Variants in IQSEC1 observed in about 807,000 individuals in gnomAD.
IQSEC1 encodes IQ motif and Sec7 domain ArfGEF 1, also known as IQ motif and SEC7 domain-containing protein 1.
IQSEC1 carries 31 observed loss-of-function variants against 91.0 expected under a neutral mutation model. That is an observed-to-expected ratio of 0.34 (90% CI 0.26 to 0.46). IQSEC1 has a LOEUF of 0.46. IQSEC1 is among the 20% of genes least tolerant of loss of function. The pLI is 1.00. For synonymous variants in IQSEC1, 699 were observed against 662.6 expected, an observed-to-expected ratio of 1.05 and a Z score of -0.84; for missense variants, 1,388 against 1,575.6, an observed-to-expected ratio of 0.88 and a Z score of 2.02.
intron 1 of IQSEC1, among the ~76,000 whole-genome samples, chr3:13,194,169 C>T (rs1170153211): frequency 6.6e-6 from 1 of 152,110 alleles, no homozygotes; most frequent in African/African-American, 2.4e-5. Context: ...TCTCCTCATC[C>T]CGTTCTAAGG....
At chr3:13,041,619 TTGACCAAGGTG>T (rs1202470000) in intron 1 of IQSEC1, among the ~76,000 whole-genome samples, 1 of 152,170 alleles carries the variant, frequency 6.6e-6, no homozygotes, top group Non-Finnish European at 1.5e-5. Context: ...TGGTTCTTTC[TTGACCAAGGTG>T]TGCACTGGAC....
At chr3:13,092,088 C>A (rs541084487) in intron 2 of IQSEC1, among the ~76,000 whole-genome samples, 79 of 152,126 alleles carry the variant, frequency 5.2e-4, no homozygotes, top group African/African-American at 1.8e-3. Context: ...CTGCACTGCG[C>A]GGGGTCAATT....
At chr3:13,239,289 A>G (rs1031919387) in intron 1 of IQSEC1, among the ~76,000 whole-genome samples, 2 of 152,216 alleles carry the variant, frequency 1.3e-5, no homozygotes, top group African/African-American at 4.8e-5. Context: ...ATAGTGCGGA[A>G]TGAACTGAGG....
chr3:13,189,300 G>A (rs1374771969), intron 1 of IQSEC1, among the ~76,000 whole-genome samples: 1 of 152,236 alleles, frequency 6.6e-6, no homozygotes, highest in African/African-American at 2.4e-5. Context: ...TTTGGGAACT[G>A]GTTACCAGCC....
chr3:13,077,604 C>T (rs560012354), upstream of IQSEC1, among the ~76,000 whole-genome samples: 16 of 152,336 alleles, frequency 1.1e-4, no homozygotes, highest in Admixed American at 9.2e-4. Context: ...GACATGGGCT[C>T]GGGCTCTGGT....
At chr3:12,938,257 T>C (rs1038693866) in intron 2 of IQSEC1, among the ~76,000 whole-genome samples, 1 of 152,124 alleles carries the variant, frequency 6.6e-6, no homozygotes, top group African/African-American at 2.4e-5. Context: ...ATGGGAGGCA[T>C]GGAGGTCCTT....
At chr3:13,057,481 C>T (rs1354584322) in intron 1 of IQSEC1, among the ~76,000 whole-genome samples, 1 of 152,238 alleles carries the variant, frequency 6.6e-6, no homozygotes, top group Non-Finnish European at 1.5e-5. Flanking sequence ...CAAGACACAC[C>T]CTTAGCACCA....
At chr3:13,131,035 G>A (rs1361448527) in intron 2 of IQSEC1, among the ~76,000 whole-genome samples, 25 of 115,542 alleles carry the variant, frequency 2.2e-4, no homozygotes, top group Non-Finnish European at 5.2e-5. Context: ...AAGGAAGGAA[G>A]GAAAGGAAGG....
intron 1 of IQSEC1, among the ~76,000 whole-genome samples, chr3:13,245,324 C>T (rs1695090915): frequency 6.6e-6 from 1 of 152,220 alleles, no homozygotes; most frequent in African/African-American, 2.4e-5. Context: ...GAGAGCAGAA[C>T]TTCCAGCAGC....
At chr3:13,148,985 G>A (rs1056539044) in intron 2 of IQSEC1, among the ~76,000 whole-genome samples, 3 of 152,234 alleles carry the variant, frequency 2.0e-5, no homozygotes, top group Non-Finnish European at 2.9e-5. Flanking sequence ...GGGAAGAACC[G>A]CTGCTGGGCA....
At chr3:12,987,247 C>T (rs1317240817) in intron 1 of IQSEC1, among the ~76,000 whole-genome samples, 1 of 152,226 alleles carries the variant, frequency 6.6e-6, no homozygotes, top group Non-Finnish European at 1.5e-5. Context: ...GCCTTGCCCT[C>T]GCCCTGTCCC....
intron 1 of IQSEC1, among the ~76,000 whole-genome samples, chr3:12,957,205 T>C (rs943710161): frequency 1.3e-5 from 2 of 152,232 alleles, no homozygotes; most frequent in Non-Finnish European, 2.9e-5. Context: ...GGTCTCAAGA[T>C]ACAAAGTTTA....
In IQSEC1 at chr3:13,073,057, CG is replaced by C. The variant is rs1559248785; in HGVS notation, c.-44del. 7 of 1,551,270 alleles carry C rather than the reference CG, an allele frequency of 4.5e-6. No individual in the cohort carries two copies. The highest frequency in any genetic ancestry group is 6.1e-6 in the Non-Finnish European group (7 of 1,146,640). ...TTCCCTGTTCTGGCTCCCTCTCCAG[CG>C]GGGAGGCTCAACGTGTTTCCAAGAG... On this transcript the variant is annotated 5_prime_UTR_variant, in exon 1 of 14. Coordinates refer to ENST00000613206, the MANE Select transcript of IQSEC1 (RefSeq NM_001134382.3).
intron 1 of IQSEC1, among the ~76,000 whole-genome samples, chr3:13,018,362 C>T (rs1385689008): frequency 6.6e-6 from 1 of 152,216 alleles, no homozygotes; most frequent in Admixed American, 6.5e-5. Context: ...GGGGCAGGGC[C>T]AGGGCAGCCA....
intron 1 of IQSEC1, among the ~76,000 whole-genome samples, chr3:12,971,843 G>A (rs948773283): frequency 5.3e-5 from 8 of 152,110 alleles, no homozygotes; most frequent in Admixed American, 3.9e-4. Context: ...CCAACATGGC[G>A]AAACCCCATC....
chr3:13,236,798 C>A (rs1301785310), intron 1 of IQSEC1, among the ~76,000 whole-genome samples: 1 of 152,266 alleles, frequency 6.6e-6, no homozygotes, highest in African/African-American at 2.4e-5. Context: ...CTCCAGCTGG[C>A]TGTCTGCACT....
At chr3:13,058,237 C>T (rs1289051530) in intron 1 of IQSEC1, among the ~76,000 whole-genome samples, 1 of 152,192 alleles carries the variant, frequency 6.6e-6, no homozygotes, top group Non-Finnish European at 1.5e-5. Flanking sequence ...GGCGCCACTG[C>T]ACTCCAGCCT....
At chr3:13,164,427 G>A (rs2124987075) in intron 1 of IQSEC1, among the ~76,000 whole-genome samples, 1 of 152,262 alleles carries the variant, frequency 6.6e-6, no homozygotes, top group African/African-American at 2.4e-5. Flanking sequence ...TACACCCCAG[G>A]AGTCAAGAGC....
In IQSEC1 at chr3:12,924,637, C is replaced by T; in HGVS notation, c.1674G>A (p.Gln558=). 6.2e-7 allele frequency: 1 copy of T among 1,611,334 alleles called. No homozygotes were observed. Among genetic ancestry groups the T allele is most frequent in the Non-Finnish European group, 8.5e-7 (1 of 1,178,646 alleles). ...FLLQRKGLSR[Q]MIGEFLGNRQ... is the part of the protein sequence containing the mutation. The stretch of plus-strand genomic sequence containing the variant: ...GGTTGCCCAGGAACTCGCCGATCAT[C>T]TGCCGGCTGAGGCCCTTGCGCTGCA... The change falls in exon 4 of 14, where the codon CAG becomes CAA. Residue 558 remains glutamine (Q), a synonymous_variant. Coordinates refer to ENST00000613206, the MANE Select transcript of IQSEC1 (RefSeq NM_001134382.3). The surrounding 1 kb of genome is among the most constrained non-coding windows in gnomAD (Gnocchi z 6.3).
Sources: allele counts gnomAD v4.1 joint callset (sites outside exome capture counted in the v4.1 genomes callset), GRCh38; gene constraint gnomAD v4.1.1; non-coding constraint Gnocchi (gnomAD v3.1); transcripts MANE v1.5; gene names NCBI Gene and HGNC (gene_info 2026-07-23, HGNC 2026-07-21).